Variants in DENND1B observed in about 807,000 individuals in gnomAD.
The protein encoded by DENND1B is DENN domain-containing protein 1B.
Under a neutral mutation model 90.1 loss-of-function variants are expected in DENND1B, and 59 were observed. That is an observed-to-expected ratio of 0.65 (90% CI 0.53 to 0.81). The LOEUF (loss-of-function observed/expected upper bound fraction) is 0.81. Ranked by LOEUF, DENND1B falls within the 40% of genes least tolerant of loss-of-function variation. The probability of loss-of-function intolerance (pLI) is 0.00; values close to 1 mark genes in which losing one functional copy is unlikely to be tolerated. For missense variants in DENND1B, 862 were observed against 912.6 expected, an observed-to-expected ratio of 0.94 and a Z score of 0.71; for synonymous variants, 337 against 324.6, an observed-to-expected ratio of 1.04 and a Z score of -0.41.
chr1:197,534,502 A>G (rs1669735101), intron 20 of DENND1B, among the ~76,000 whole-genome samples: 1 of 152,214 alleles, frequency 6.6e-6, no homozygotes, highest in African/African-American at 2.4e-5. Flanking sequence ...CTTTGGAATG[A>G]CTGGGTAATT....
intron 10 of DENND1B, among the ~76,000 whole-genome samples, chr1:197,628,786 G>A (rs1281589439): frequency 1.3e-5 from 2 of 151,810 alleles, no homozygotes; most frequent in South Asian, 4.2e-4. Context: ...ATCTGACAAA[G>A]GGCTAATATC....
rs946996069 is a variant in DENND1B, at chr1:197,688,184, A to G, written c.127-14015T>C. 9.2e-5 allele frequency among the ~76,000 whole-genome samples: 14 copies of G among 152,110 alleles called. 1 individual carries two copies. Among genetic ancestry groups the G allele is most frequent in the Admixed American group, 9.2e-4 (14 of 15,244 alleles). On this transcript the variant is annotated intron_variant, in intron 3 of 22. Coordinates refer to ENST00000620048, the MANE Select transcript of DENND1B (RefSeq NM_001195215.2). ...TAAATTTTAAGAGACACAAATAAAT[A>G]AAAAGACATCCCATGTTCATGAATT...
At chr1:197,665,435 T>C (rs1381386305) in intron 5 of DENND1B, among the ~76,000 whole-genome samples, 2 of 152,192 alleles carry the variant, frequency 1.3e-5, no homozygotes, top group African/African-American at 2.4e-5. Context: ...AATAGTTTTT[T>C]GGGTTTTTTA....
At chr1:197,620,213 T>C (rs1480917070) in intron 10 of DENND1B, among the ~76,000 whole-genome samples, 1 of 150,952 alleles carries the variant, frequency 6.6e-6, no homozygotes, top group Non-Finnish European at 1.5e-5. Flanking sequence ...AATGAGAAAA[T>C]ACTATTATGG....
At chr1:197,519,337 T>C (rs1344048992) in intron 20 of DENND1B, among the ~76,000 whole-genome samples, 1 of 151,950 alleles carries the variant, frequency 6.6e-6, no homozygotes, top group Non-Finnish European at 1.5e-5. Flanking sequence ...AACCTATTAA[T>C]GAACTGATAA....
At chr1:197,552,459 T>A in intron 16 of DENND1B, 2 of 985,334 alleles carry the variant, frequency 2.0e-6, no homozygotes, top group Non-Finnish European at 2.4e-6. Flanking sequence ...TATAACAGTA[T>A]TTGAACATTT....
At chr1:197,535,145 A>G (rs1669783559) in intron 20 of DENND1B, among the ~76,000 whole-genome samples, 1 of 152,182 alleles carries the variant, frequency 6.6e-6, no homozygotes, top group South Asian at 2.1e-4. Flanking sequence ...TGCTAGTGTA[A>G]GTGGCTCAAT....
chr1:197,741,606 G>C (rs1026419910), intron 2 of DENND1B, among the ~76,000 whole-genome samples: 24 of 151,994 alleles, frequency 1.6e-4, no homozygotes, highest in African/African-American at 5.1e-4. Context: ...CATTACCAAA[G>C]ATTTACTATT....
At chr1:197,733,206 A>C (rs1052523436) in intron 2 of DENND1B, among the ~76,000 whole-genome samples, 1 of 152,234 alleles carries the variant, frequency 6.6e-6, no homozygotes, top group Non-Finnish European at 1.5e-5. Context: ...TCCTGCATTT[A>C]TAGTGTGGTC....
intron 2 of DENND1B, among the ~76,000 whole-genome samples, chr1:197,771,817 C>CTTTAA (rs1656655000): frequency 6.6e-6 from 1 of 152,104 alleles, no homozygotes; most frequent in Non-Finnish European, 1.5e-5. Flanking sequence ...AAGACATATA[C>CTTTAA]TTTAAGTATC....
In DENND1B at chr1:197,512,919, C is replaced by T. The variant is rs1422271524; in HGVS notation, c.1550G>A (p.Gly517Asp). The T allele has an allele frequency of 6.2e-7, 1 of 1,610,572 alleles. No individual in the cohort carries two copies. Among genetic ancestry groups the T allele is most frequent in the Non-Finnish European group, 8.5e-7 (1 of 1,177,956 alleles). Reference protein sequence around the residue: ...RLKRPLKSLDGALYDDEDDDD... With the variant: ...RLKRPLKSLDDALYDDEDDDD... ...ATCATCTTCATCATCATATAGAGCA[C>T]CATCAAGGCTCTTAAGAGGCCTTTT... Residue 517 changes from glycine to aspartate, a missense_variant, in exon 21 of 23, where the codon GGT becomes GAT. Gly to Asp is a moderately conservative substitution (Grantham distance 94, BLOSUM62 -1). Transcript: ENST00000620048.
intron 15 of DENND1B, among the ~76,000 whole-genome samples, chr1:197,569,563 T>TACACACACAC (rs4026518): frequency 1.0e-4 from 15 of 148,170 alleles, no homozygotes; most frequent in African/African-American, 3.7e-4. Context: ...AAATGTGGTA[T>TACACACACAC]ACACACACAC....
intron 2 of DENND1B, chr1:197,735,140 A>G (rs944145058): frequency 3.1e-6 from 3 of 973,050 alleles, no homozygotes; most frequent in African/African-American, 3.5e-5. Flanking sequence ...TTATATATGA[A>G]TAATACAAAA....
At chr1:197,747,639 T>C (rs147614465) in intron 2 of DENND1B, among the ~76,000 whole-genome samples, 1 of 152,290 alleles carries the variant, frequency 6.6e-6, no homozygotes, top group African/African-American at 2.4e-5. Context: ...TTTTAAAAAA[T>C]GCAATACCTA....
At chr1:197,761,842 C>T (rs1354345582) in intron 2 of DENND1B, 2 of 151,358 alleles carry the variant, frequency 1.3e-5, no homozygotes, top group African/African-American at 2.4e-5. Context: ...AAGGAAAAGG[C>T]TCTATCTTGA....
intron 2 of DENND1B, among the ~76,000 whole-genome samples, chr1:197,770,763 A>T (rs10922275): frequency 7.1e-6 from 1 of 140,146 alleles, no homozygotes; most frequent in African/African-American, 2.6e-5. Flanking sequence ...AATATATATA[A>T]ATATATATCT....
chr1:197,719,864 A>G (rs1186550377), intron 2 of DENND1B, among the ~76,000 whole-genome samples: 1 of 152,230 alleles, frequency 6.6e-6, no homozygotes, highest in African/African-American at 2.4e-5. Flanking sequence ...AAAACAGCAT[A>G]GTTTCAGTTA....
At chr1:197,735,762 A>AG in intron 2 of DENND1B, 1 of 1,611,930 alleles carries the variant, frequency 6.2e-7, no homozygotes. Context: ...GTACTTTTCC[A>AG]GGGGGAATCC....
intron 10 of DENND1B, among the ~76,000 whole-genome samples, chr1:197,628,908 C>A (rs942710973): frequency 1.1e-4 from 16 of 151,878 alleles, no homozygotes; most frequent in South Asian, 6.3e-4. Context: ...TTTATGCAGC[C>A]AAAAAACACA....
Sources: allele counts gnomAD v4.1 joint callset (sites outside exome capture counted in the v4.1 genomes callset), GRCh38; gene constraint gnomAD v4.1.1; transcripts MANE v1.5; gene names NCBI Gene and HGNC (gene_info 2026-07-23, HGNC 2026-07-21).